FBXL17: variants seen among roughly 807,000 people sequenced by gnomAD.
FBXL17 encodes F-box and leucine rich repeat protein 17.
A neutral mutation model predicts 66.2 loss-of-function variants in FBXL17; 22 were observed. The ratio of observed to expected loss-of-function variants is 0.33; its 90% CI spans 0.24 to 0.47. FBXL17 has a LOEUF of 0.47. Among genes scored for constraint, FBXL17 ranks in the 20% least tolerant of loss-of-function variants. The pLI is 1.00. For missense variants in FBXL17, 878 were observed against 948.2 expected, an observed-to-expected ratio of 0.93 and a Z score of 0.97; for synonymous variants, 474 against 400.5, an observed-to-expected ratio of 1.18 and a Z score of -2.19.
intron 8 of FBXL17, among the ~76,000 whole-genome samples, chr5:107,872,819 A>C (rs536454922): frequency 4.6e-5 from 7 of 152,332 alleles, no homozygotes; most frequent in African/African-American, 1.4e-4. Context: ...TATTATTTTC[A>C]TTTTACAGAT....
intron 7 of FBXL17, among the ~76,000 whole-genome samples, chr5:107,965,392 C>T (rs1005135944): frequency 6.6e-6 from 1 of 152,090 alleles, no homozygotes; most frequent in African/African-American, 2.4e-5. Context: ...AAATCAATTG[C>T]AGAATTCTCC....
chr5:108,228,391 T>C (rs187567328), intron 4 of FBXL17, among the ~76,000 whole-genome samples: 2 of 152,266 alleles, frequency 1.3e-5, no homozygotes, highest in East Asian at 3.9e-4. Context: ...CTAGCTTCTC[T>C]GGGACCCTGG....
At chr5:108,027,119 C>A (rs762944229) in intron 6 of FBXL17, among the ~76,000 whole-genome samples, 4 of 152,116 alleles carry the variant, frequency 2.6e-5, no homozygotes, top group Non-Finnish European at 5.9e-5. Context: ...CCATCACAAA[C>A]CTGCTGTTAT....
intron 1 of FBXL17, among the ~76,000 whole-genome samples, chr5:108,373,359 T>TATA (rs1749190664): frequency 1.9e-5 from 1 of 52,330 alleles, no homozygotes; most frequent in Non-Finnish European, 3.8e-5. Flanking sequence ...TATCTAAATA[T>TATA]ATATTAATAT....
Position 108,030,302 on chromosome 5 carries a change from G to T in FBXL17, c.1746-9301C>A, listed in dbSNP as rs552441854. Among the ~76,000 whole-genome samples the T allele has an allele frequency of 2.3e-4, 35 of 152,256 alleles. No individual in the cohort carries two copies. In the South Asian group the frequency reaches 7.0e-3, roughly 31 times the overall value. ...GAGTGGTGGAAAGCTAATGAAACCAGTGTGGAAGACTGATAGAGACCACAG... is the reference window on the plus strand; with the variant it reads ...GAGTGGTGGAAAGCTAATGAAACCATTGTGGAAGACTGATAGAGACCACAG... On this transcript the variant is annotated intron_variant, in intron 6 of 8. Transcript: ENST00000542267.
At chr5:107,951,247 T>C (rs930534487) in intron 7 of FBXL17, among the ~76,000 whole-genome samples, 1 of 152,238 alleles carries the variant, frequency 6.6e-6, no homozygotes, top group African/African-American at 2.4e-5. Flanking sequence ...GTCTGCTTAA[T>C]TTTGGTCTTA....
At chr5:108,007,900 T>C (rs1230706158) in intron 7 of FBXL17, among the ~76,000 whole-genome samples, 1 of 152,178 alleles carries the variant, frequency 6.6e-6, no homozygotes, top group Non-Finnish European at 1.5e-5. Context: ...CCTCCAGCTC[T>C]AGAATCAGCA....
At chr5:108,143,748 AAAG>A (rs1303297547) in intron 6 of FBXL17, among the ~76,000 whole-genome samples, 1 of 140,200 alleles carries the variant, frequency 7.1e-6, no homozygotes, top group Non-Finnish European at 1.6e-5. Context: ...AAAAAAAAAA[AAAG>A]GACCCAAGAC....
intron 6 of FBXL17, among the ~76,000 whole-genome samples, chr5:108,074,917 G>A (rs745863367): frequency 2.0e-5 from 3 of 152,156 alleles, no homozygotes; most frequent in African/African-American, 7.2e-5. Flanking sequence ...CTTTCTTTGT[G>A]CATTTGGATA....
intron 6 of FBXL17, among the ~76,000 whole-genome samples, chr5:108,059,995 AAT>A (rs1649503903): frequency 6.6e-6 from 1 of 150,582 alleles, no homozygotes; most frequent in Non-Finnish European, 1.5e-5. Context: ...TTATATACTG[AAT>A]ATATATAAAA....
intron 7 of FBXL17, among the ~76,000 whole-genome samples, chr5:107,999,458 C>CAA (rs922533746): frequency 7.4e-6 from 1 of 134,598 alleles, no homozygotes; most frequent in African/African-American, 3.8e-5. Flanking sequence ...CAGAAACACA[C>CAA]ACACACACAC....
At chr5:108,086,648 TC>T (rs1748982651) in intron 6 of FBXL17, among the ~76,000 whole-genome samples, 1 of 152,182 alleles carries the variant, frequency 6.6e-6, no homozygotes, top group African/African-American at 2.4e-5. Flanking sequence ...GACCTCCGCC[TC>T]CTGGGTTCAA....
chr5:108,089,416 C>G (rs993816630), intron 6 of FBXL17, among the ~76,000 whole-genome samples: 16 of 152,170 alleles, frequency 1.1e-4, no homozygotes, highest in African/African-American at 3.4e-4. Context: ...TACCATGGAC[C>G]TTTAGCACCT....
intron 4 of FBXL17, among the ~76,000 whole-genome samples, chr5:108,224,963 C>A (rs989776500): frequency 7.2e-5 from 11 of 152,028 alleles, no homozygotes; most frequent in African/African-American, 2.7e-4. Flanking sequence ...AATTCACATA[C>A]CATAAAATTC....
chr5:107,890,639 G>A (rs748656661), intron 7 of FBXL17, among the ~76,000 whole-genome samples: 12 of 151,286 alleles, frequency 7.9e-5, no homozygotes, highest in Non-Finnish European at 1.6e-4. Context: ...ACTCCAGCCT[G>A]GGAGAAAGAG....
chr5:108,141,534 T>C (rs1253769875), intron 6 of FBXL17, among the ~76,000 whole-genome samples: 1 of 152,216 alleles, frequency 6.6e-6, no homozygotes, highest in Non-Finnish European at 1.5e-5. Flanking sequence ...TCTTTTTCAA[T>C]GAAAAGAAGG....
chr5:108,240,823 G>C (rs1038589145), intron 4 of FBXL17, among the ~76,000 whole-genome samples: 3 of 152,290 alleles, frequency 2.0e-5, no homozygotes, highest in East Asian at 3.9e-4. Context: ...CAGGGTGCTT[G>C]TGTCACCCCT....
At chr5:108,177,928 T>C (rs149281228) in intron 6 of FBXL17, among the ~76,000 whole-genome samples, 4 of 140,670 alleles carry the variant, frequency 2.8e-5, no homozygotes, top group Admixed American at 2.2e-4. Context: ...TATATATATA[T>C]ATATACACAC....
intron 6 of FBXL17, among the ~76,000 whole-genome samples, chr5:108,092,592 G>A (rs1749227443): frequency 6.6e-6 from 1 of 152,178 alleles, no homozygotes; most frequent in South Asian, 2.1e-4. Flanking sequence ...TGGGATTACA[G>A]ACGTTGAGCC....
Sources: gnomAD v4.1 joint callset for allele counts (sites outside exome capture counted in the v4.1 genomes callset) on GRCh38, gnomAD v4.1.1 for gene constraint, MANE v1.5 for transcripts, NCBI Gene and HGNC (gene_info 2026-07-23, HGNC 2026-07-21) for gene names.